PFKP: variants seen among roughly 807,000 people sequenced by gnomAD.
PFKP encodes phosphofructokinase, platelet, also known as ATP-dependent 6-phosphofructokinase, platelet type.
Under a neutral mutation model 94.3 loss-of-function variants are expected in PFKP, and 101 were observed. The ratio of observed to expected loss-of-function variants is 1.07; its 90% CI spans 0.91 to 1.26. The LOEUF (loss-of-function observed/expected upper bound fraction) is 1.26. Ranked by LOEUF, PFKP falls within the 50% of genes most tolerant of loss-of-function variation. The pLI is 0.00. For missense variants in PFKP, 1,145 were observed against 1,103.3 expected, an observed-to-expected ratio of 1.04 and a Z score of -0.53; for synonymous variants, 573 against 432.6, an observed-to-expected ratio of 1.32 and a Z score of -4.03.
chr10:3,092,662 A>G (rs1036980347), intron 2 of PFKP, among the ~76,000 whole-genome samples: 7 of 148,068 alleles, frequency 4.7e-5, no homozygotes, highest in South Asian at 4.4e-4. Flanking sequence ...GTAAAATTAT[A>G]TGTGTCAATA....
chr10:3,113,299 A>T, intron 12 of PFKP, 73 bp from the exon 13 acceptor site: 2 of 1,574,564 alleles, frequency 1.3e-6, no homozygotes, highest in Non-Finnish European at 1.7e-6. Context: ...GGCATGAGCC[A>T]CTGCCAAAGT....
At chr10:3,106,151 G>A (rs1835530227) in intron 7 of PFKP, among the ~76,000 whole-genome samples, 1 of 77,604 alleles carries the variant, frequency 1.3e-5, no homozygotes, top group Non-Finnish European at 3.9e-5. Flanking sequence ...TCCCCTGGGA[G>A]GGCCGGGGAG....
intron 1 of PFKP, among the ~76,000 whole-genome samples, chr10:3,068,906 C>T (rs1831951160): frequency 2.0e-5 from 3 of 152,184 alleles, no homozygotes; most frequent in Admixed American, 6.5e-5. Flanking sequence ...CGTTTCGGGG[C>T]CGCGCACTGC....
intron 14 of PFKP, 142 bp downstream of exon 14, chr10:3,116,988 C>A: frequency 1.4e-6 from 1 of 712,948 alleles, no homozygotes; most frequent in Non-Finnish European, 2.6e-6. Flanking sequence ...GTTACCGGTC[C>A]TCCCTCCAGT....
At chr10:3,083,971 T>C (rs1037837188) in intron 2 of PFKP, among the ~76,000 whole-genome samples, 3 of 152,226 alleles carry the variant, frequency 2.0e-5, no homozygotes, top group Admixed American at 1.3e-4. Flanking sequence ...CAACATACTG[T>C]CTTGTTGAAT....
At chr10:3,095,187 T>C (rs1445098862) in intron 2 of PFKP, among the ~76,000 whole-genome samples, 1 of 92,254 alleles carries the variant, frequency 1.1e-5, no homozygotes, top group Non-Finnish European at 3.1e-5. Flanking sequence ...TCCCTTTGTC[T>C]GTAACTTTAA....
chr10:3,101,274 A>G (rs1278673099), intron 3 of PFKP, 91 bp from the exon 4 acceptor site: 2 of 1,049,802 alleles, frequency 1.9e-6, no homozygotes, highest in African/African-American at 3.2e-5. Context: ...TGTAAATTCT[A>G]GCACCCCATG....
intron 3 of PFKP, among the ~76,000 whole-genome samples, chr10:3,100,654 G>A (rs999640630): frequency 2.0e-5 from 3 of 152,082 alleles, no homozygotes; most frequent in African/African-American, 7.2e-5. Flanking sequence ...AAGTCAGCAC[G>A]CGCTTAGGGA....
At chr10:3,083,184 G>A (rs1367928976) in intron 2 of PFKP, among the ~76,000 whole-genome samples, 1 of 152,180 alleles carries the variant, frequency 6.6e-6, no homozygotes, top group Non-Finnish European at 1.5e-5. Flanking sequence ...CACATTTAGG[G>A]AAATGAGGAA....
chr10:3,109,658 G>C (rs573735966), intron 10 of PFKP, among the ~76,000 whole-genome samples, 178 bp downstream of exon 10: 3 of 152,336 alleles, frequency 2.0e-5, no homozygotes, highest in Non-Finnish European at 4.4e-5. Flanking sequence ...TCCCACACCT[G>C]CAGAGCCTGC....
chr10:3,106,516 C>CT (rs1454853442), intron 7 of PFKP, among the ~76,000 whole-genome samples: 1 of 151,270 alleles, frequency 6.6e-6, no homozygotes, highest in Non-Finnish European at 1.5e-5. Flanking sequence ...GGCCACATTT[C>CT]TATCTGCGGT....
intron 1 of PFKP, among the ~76,000 whole-genome samples, chr10:3,074,083 A>T (rs1588380541): frequency 6.6e-6 from 1 of 152,138 alleles, no homozygotes; most frequent in African/African-American, 2.4e-5. Context: ...CAAGTGATCC[A>T]CCTGCCTTGG....
intron 1 of PFKP, among the ~76,000 whole-genome samples, chr10:3,080,044 G>A (rs1832928059): frequency 6.6e-6 from 1 of 152,250 alleles, no homozygotes; most frequent in East Asian, 1.9e-4. Context: ...AGGAGTTGGA[G>A]GAGGAAGAGC....
At chr10:3,102,393 T>C (rs1056144745) in intron 4 of PFKP, among the ~76,000 whole-genome samples, 4 of 151,624 alleles carry the variant, frequency 2.6e-5, no homozygotes, top group African/African-American at 9.7e-5. Flanking sequence ...GTATGTGGTT[T>C]ATTTTTGTTT....
chr10:3,119,497 C>A (rs1045095071), intron 15 of PFKP, among the ~76,000 whole-genome samples: 1 of 151,902 alleles, frequency 6.6e-6, no homozygotes, highest in Non-Finnish European at 1.5e-5. Flanking sequence ...CCCAGCTACC[C>A]GGGAGGCTGA....
At chr10:3,107,459 G>A (rs1029196149) in intron 8 of PFKP, 150 bp downstream of exon 8, 48 of 616,208 alleles carry the variant, frequency 7.8e-5, no homozygotes, top group African/African-American at 5.6e-4. Flanking sequence ...GAAGTTGGAC[G>A]GCAGGGGAAA....
At chr10:3,116,672 A>G in intron 13 of PFKP, 104 bp from the exon 14 acceptor site, 1 of 849,712 alleles carries the variant, frequency 1.2e-6, no homozygotes, top group South Asian at 1.3e-5. Flanking sequence ...TCAAATCTTT[A>G]CCGGAATGCA....
intron 2 of PFKP, among the ~76,000 whole-genome samples, chr10:3,089,707 C>T (rs915099709): frequency 2.8e-4 from 42 of 148,980 alleles, no homozygotes; most frequent in Admixed American, 1.8e-3. Flanking sequence ...TTATACATAT[C>T]GTATACAATG....
intron 2 of PFKP, among the ~76,000 whole-genome samples, chr10:3,097,957 C>T (rs1026737400): frequency 3.9e-5 from 6 of 152,054 alleles, no homozygotes; most frequent in South Asian, 2.1e-4. Context: ...TGCAGTGAGC[C>T]GAGATCGTGC....
Sources: allele counts gnomAD v4.1 joint callset (sites outside exome capture counted in the v4.1 genomes callset), GRCh38; gene constraint gnomAD v4.1.1; transcripts MANE v1.5; gene names NCBI Gene and HGNC (gene_info 2026-07-23, HGNC 2026-07-21).